SEMA5A: variants seen among roughly 807,000 people sequenced by gnomAD.
SEMA5A encodes semaphorin 5A, also known as semaphorin-5A.
SEMA5A carries 55 observed loss-of-function variants against 135.5 expected under a neutral mutation model. The ratio of observed to expected loss-of-function variants is 0.41; its 90% confidence interval spans 0.33 to 0.51. The LOEUF (loss-of-function observed/expected upper bound fraction) is 0.51, where lower values mean the gene tolerates loss of function less well. Ranked by LOEUF, SEMA5A falls within the 20% of genes least tolerant of loss-of-function variation. SEMA5A has a pLI of 0.37. For missense variants in SEMA5A, 1,290 were observed against 1,419.9 expected (o/e 0.91, Z 1.47); for synonymous variants, 580 against 546.5 (o/e 1.06, Z -0.85).
intron 16 of SEMA5A, among the ~76,000 whole-genome samples, chr5:9,086,854 A>G (rs1390527035): frequency 6.6e-6 from 1 of 152,196 alleles, no homozygotes; most frequent in Non-Finnish European, 1.5e-5. Context: ...TTGGGGTTAT[A>G]ATTAAATTTA....
chr5:9,165,101 G>A (rs3797922), intron 11 of SEMA5A, among the ~76,000 whole-genome samples: 1 of 151,984 alleles, frequency 6.6e-6, no homozygotes, highest in Non-Finnish European at 1.5e-5. Context: ...TGGCTTAAAT[G>A]CTGAGACACC....
At chr5:9,500,644 A>G (rs965532561) in intron 1 of SEMA5A, among the ~76,000 whole-genome samples, 1 of 152,226 alleles carries the variant, frequency 6.6e-6, no homozygotes, top group Admixed American at 6.5e-5. Flanking sequence ...TTCAATTTGC[A>G]TTTAAGATAA....
intron 13 of SEMA5A, among the ~76,000 whole-genome samples, chr5:9,124,212 G>C (rs1740981428): frequency 6.6e-6 from 1 of 152,094 alleles, no homozygotes; most frequent in Non-Finnish European, 1.5e-5. Flanking sequence ...TCAAGGGGAG[G>C]GCATGGCATC....
chr5:9,385,501 G>A (rs1194484123), intron 2 of SEMA5A, among the ~76,000 whole-genome samples: 1 of 152,118 alleles, frequency 6.6e-6, no homozygotes, highest in Non-Finnish European at 1.5e-5. Flanking sequence ...TAATCTGTTG[G>A]TATAGTCCAG....
chr5:9,399,312 C>T (rs532249605), intron 2 of SEMA5A, among the ~76,000 whole-genome samples: 6 of 152,242 alleles, frequency 3.9e-5, no homozygotes, highest in South Asian at 2.1e-4. Context: ...AATGTGGATG[C>T]TATAACATGC....
At chr5:9,215,496 G>C (rs560177632) in intron 8 of SEMA5A, among the ~76,000 whole-genome samples, 1 of 152,296 alleles carries the variant, frequency 6.6e-6, no homozygotes, top group Non-Finnish European at 1.5e-5. Flanking sequence ...AATTTAGAGA[G>C]AGGCACAGGA....
intron 15 of SEMA5A, among the ~76,000 whole-genome samples, chr5:9,115,343 C>A (rs1473287861): frequency 6.6e-6 from 1 of 152,194 alleles, no homozygotes; most frequent in Non-Finnish European, 1.5e-5. Flanking sequence ...AGCCAAGAAC[C>A]ATAAAACATT....
rs1220562294 is a variant in SEMA5A at position 9,050,304 on chromosome 5, T to A, written c.2893+106A>T. 18 of 1,048,008 alleles carry A rather than the reference T, an allele frequency of 1.7e-5. No homozygotes were observed. In the African/African-American group the frequency reaches 2.8e-4, roughly 16 times the overall value. 64.9% of individuals were successfully genotyped at this position (1,048,008 alleles called of 1,614,324 possible). ...TGGGATCCATGACTTTCTCCGGTTT[T>A]TCATTCTTGGCCAAGAGGCAGAAAA... On this transcript the variant is annotated intron_variant, in intron 21 of 22. Transcript: ENST00000382496.
chr5:9,464,872 C>T (rs1759196062), intron 1 of SEMA5A, among the ~76,000 whole-genome samples: 1 of 152,248 alleles, frequency 6.6e-6, no homozygotes, highest in Admixed American at 6.5e-5. Context: ...TGGCAAGTCT[C>T]ACAGCGGTCT....
At chr5:9,196,139 A>G (rs1056676755) in intron 10 of SEMA5A, among the ~76,000 whole-genome samples, 2 of 152,230 alleles carry the variant, frequency 1.3e-5, no homozygotes, top group African/African-American at 4.8e-5. Flanking sequence ...AATGATGATG[A>G]TGATCTTAAG....
chr5:9,052,039 C>T lies in SEMA5A; in HGVS notation c.2690-11G>A. The T allele has an allele frequency of 6.3e-7, 1 of 1,576,890 alleles. No individual in the cohort carries two copies. Among genetic ancestry groups the T allele is most frequent in the Non-Finnish European group, 8.6e-7 (1 of 1,159,926 alleles). On this transcript the variant is annotated splice_polypyrimidine_tract_variant and intron_variant, in intron 19 of 22. Coordinates refer to ENST00000382496, the MANE Select transcript of SEMA5A (RefSeq NM_003966.3). The stretch of plus-strand genomic sequence containing the variant: ...ACTCCGACCAGCTCTCTGCAGAGAC[C>T]AGAAAAGGGGAGATGGGGCGGAATG...
chr5:9,111,718 T>C (rs1053643607), intron 15 of SEMA5A, among the ~76,000 whole-genome samples: 1 of 152,290 alleles, frequency 6.6e-6, no homozygotes, highest in South Asian at 2.1e-4. Context: ...CTCTGTCTCT[T>C]TGTGTCTGGG....
chr5:9,283,823 C>G (rs559008166), intron 5 of SEMA5A, among the ~76,000 whole-genome samples: 1 of 152,328 alleles, frequency 6.6e-6, no homozygotes, highest in African/African-American at 2.4e-5. Flanking sequence ...GTATTAGATA[C>G]ATAGAACATA....
intron 7 of SEMA5A, among the ~76,000 whole-genome samples, chr5:9,225,389 TAA>T (rs34806769): frequency 0.033 from 1,414 of 43,070 alleles, 31 homozygotes; most frequent in African/African-American, 0.091. Context: ...CCATCTCTAC[TAA>T]AAAAAAAAAA....
intron 3 of SEMA5A, among the ~76,000 whole-genome samples, chr5:9,347,680 G>A (rs73050552): frequency 2.0e-4 from 31 of 152,282 alleles, no homozygotes; most frequent in South Asian, 4.1e-4. Flanking sequence ...GAGGGCAGGA[G>A]CAGGGACCTG....
intron 5 of SEMA5A, among the ~76,000 whole-genome samples, chr5:9,259,737 A>C (rs1224306605): frequency 8.2e-6 from 1 of 122,366 alleles, no homozygotes; most frequent in Non-Finnish European, 1.7e-5. Flanking sequence ...GGACGCATTC[A>C]AAGCAGTGTG....
chr5:9,445,976 C>G (rs1758419496), intron 1 of SEMA5A, among the ~76,000 whole-genome samples: 1 of 152,226 alleles, frequency 6.6e-6, no homozygotes, highest in Non-Finnish European at 1.5e-5. Context: ...CAGATCCAGC[C>G]TGAGACCCCT....
chr5:9,529,252 G>A (rs767630939), intron 1 of SEMA5A, among the ~76,000 whole-genome samples: 11 of 152,310 alleles, frequency 7.2e-5, no homozygotes, highest in Admixed American at 6.5e-4. Context: ...TGCCAGCTTT[G>A]CCTCTCACCA....
chr5:9,079,231 C>G (rs1187488307), intron 16 of SEMA5A, among the ~76,000 whole-genome samples: 1 of 152,062 alleles, frequency 6.6e-6, no homozygotes, highest in Non-Finnish European at 1.5e-5. Context: ...ACAGTGCAAT[C>G]AAATTAAAAC....
Sources: allele counts gnomAD v4.1 joint callset (sites outside exome capture counted in the v4.1 genomes callset), GRCh38; gene constraint gnomAD v4.1.1; transcripts MANE v1.5; gene names NCBI Gene and HGNC (gene_info 2026-07-23, HGNC 2026-07-21).